The following ESPN variants were observed in gnomAD, a reference collection of about 807,000 sequenced individuals.
The protein encoded by ESPN is autosomal recessive deafness type 36 protein.
A neutral mutation model predicts 77.7 loss-of-function variants in ESPN; 68 were observed. That is an observed-to-expected ratio of 0.87 (90% CI 0.72 to 1.07). The LOEUF (loss-of-function observed/expected upper bound fraction) is 1.07. Among genes scored for constraint, ESPN ranks in the 50% least tolerant of loss-of-function variants. The probability of loss-of-function intolerance (pLI) is 0.00; values close to 1 mark genes in which losing one functional copy is unlikely to be tolerated. For missense variants in ESPN, 1,060 were observed against 1,239.0 expected, an observed-to-expected ratio of 0.86 and a Z score of 2.17; for synonymous variants, 449 against 567.1, an observed-to-expected ratio of 0.79 and a Z score of 2.96.
intron 2 of ESPN, among the ~76,000 whole-genome samples, chr1:6,439,863 G>T (rs772318657): frequency 6.6e-6 from 1 of 152,180 alleles, no homozygotes; most frequent in Non-Finnish European, 1.5e-5. Context: ...CAAAAAATTA[G>T]CGGGGCGTGG....
At chr1:6,435,669 C>G (rs1643410119) in intron 2 of ESPN, among the ~76,000 whole-genome samples, 1 of 152,144 alleles carries the variant, frequency 6.6e-6, no homozygotes, top group African/African-American at 2.4e-5. Context: ...GAGGTCTCCC[C>G]AAAGACCCAT....
At position 6,427,857 on chromosome 1, in the gene ESPN, C is replaced by T. The variant is rs1165401909; in HGVS notation, c.295-369C>T. On this transcript the variant is annotated intron_variant, in intron 1 of 12. Coordinates refer to ENST00000645284, the MANE Select transcript of ESPN (RefSeq NM_031475.3). This position sits in a 1 kb window ranked among gnomAD's most constrained non-coding sequence, Gnocchi z 4.6. ...AGTAACCCTGTGTCACTCCTTCAGGCATTCCCTGAGTCCCTGGGAGTCAGG... is the reference window on the plus strand; with the variant it reads ...AGTAACCCTGTGTCACTCCTTCAGGTATTCCCTGAGTCCCTGGGAGTCAGG... Among the ~76,000 whole-genome samples, 1 of 152,216 alleles carries T rather than the reference C, an allele frequency of 6.6e-6. No homozygotes were observed. The highest frequency in any genetic ancestry group is 1.9e-4 in the East Asian group (1 of 5,190).
At chr1:6,443,635 C>T (rs1569670787) in intron 5 of ESPN, among the ~76,000 whole-genome samples, 1 of 152,248 alleles carries the variant, frequency 6.6e-6, no homozygotes. Context: ...CCACAGAAGA[C>T]GCTGGCCCAG....
intron 2 of ESPN, among the ~76,000 whole-genome samples, chr1:6,429,487 G>C (rs61780705): frequency 0.16 from 23,835 of 152,078 alleles, 2,408 homozygotes; most frequent in African/African-American, 0.28. Context: ...AGGTTGGGGC[G>C]TGGGAGCCAC....
chr1:6,442,072 G>A lies in ESPN; in HGVS notation c.990+1007G>A, dbSNP rs72861512. On this transcript the variant is annotated intron_variant, in intron 5 of 12. Coordinates refer to ENST00000645284, the MANE Select transcript of ESPN (RefSeq NM_031475.3). ...TGGGAAGGGCATTTCTGCATCAATG[G>A]TGGGTCCCCTTCAGTTAAGAGTGTC... 5.9e-3 allele frequency among the ~76,000 whole-genome samples: 901 copies of A among 152,320 alleles called. 8 individuals are homozygous for A. Among genetic ancestry groups the A allele is most frequent in the Middle Eastern group, 0.02 (6 of 294 alleles).
In ESPN at chr1:6,447,720, G is replaced by A. The variant is rs557181401; in HGVS notation, c.1465-921G>A. On this transcript the variant is annotated intron_variant, in intron 7 of 12. Transcript: ENST00000645284. This position sits in a 1 kb window ranked among gnomAD's most constrained non-coding sequence, Gnocchi z 5.2. ...GGATGGCGATGGTTTCCAGATGCAG[G>A]AGGGGAAGGGTGGGGACGCGACCCG... is the stretch of plus-strand genomic sequence containing the variant. Among the ~76,000 whole-genome samples, 15 of 152,330 alleles carry A rather than the reference G, an allele frequency of 9.8e-5. No individual in the cohort carries two copies. The highest frequency in any genetic ancestry group is 2.6e-4 in the Admixed American group (4 of 15,308).
rs146883001 is a variant in ESPN at position 6,446,324 on chromosome 1, G to A, written c.1464+389G>A. Among the ~76,000 whole-genome samples, 1,108 of 152,316 alleles carry A rather than the reference G, an allele frequency of 7.3e-3. 12 individuals are homozygous for A. The highest frequency in any genetic ancestry group is 0.025 in the African/African-American group (1,053 of 41,562). On this transcript the variant is annotated intron_variant, in intron 7 of 12. Transcript: ENST00000645284. The stretch of plus-strand genomic sequence containing the variant: ...CCACAGCCCCAGGCTCAGTCGGAGA[G>A]TGTCACCCAAGGGAGGTGGCTGCCA...
chr1:6,425,719 G>C (rs1643011986), intron 1 of ESPN, among the ~76,000 whole-genome samples: 1 of 152,216 alleles, frequency 6.6e-6, no homozygotes, highest in South Asian at 2.1e-4. Context: ...ATGAGCCGTG[G>C]TAAATGGGGG....
At chr1:6,459,339 C>G (rs1032616973) in intron 12 of ESPN, among the ~76,000 whole-genome samples, 4 of 151,524 alleles carry the variant, frequency 2.6e-5, no homozygotes, top group African/African-American at 9.7e-5. Flanking sequence ...CCCAGGAGGT[C>G]GAGGCTGCAG....
Position 6,452,091 on chromosome 1 carries a change from C to T in ESPN, c.2320C>T (p.Arg774Trp), listed in dbSNP as rs528640998. The T allele has an allele frequency of 1.3e-5, 20 of 1,543,468 alleles. No homozygotes were observed. The highest frequency in any genetic ancestry group is 3.9e-5 in the Admixed American group (2 of 51,508). ...LKMQEEEEQR[R>W]KEEEEEARLA... ...GATGCAGGAGGAGGAGGAGCAGAGGCGGAAGGTGGGTGGGGCGGGGTGCCC... is the reference window on the plus strand; with the variant it reads ...GATGCAGGAGGAGGAGGAGCAGAGGTGGAAGGTGGGTGGGGCGGGGTGCCC... The change falls in exon 10 of 13, where the codon CGG (arginine) becomes TGG (tryptophan). Residue 774 changes from arginine to tryptophan, a missense_variant. By Grantham distance (101) the Arg-to-Trp change is moderately radical. Around this residue, in one of 3 missense-constraint regions of ESPN, gnomAD observed 374 missense variants for 381.4 expected, o/e 0.98. Transcript: ENST00000645284.
At chr1:6,432,409 TGAG>T (rs1643284032) in intron 2 of ESPN, among the ~76,000 whole-genome samples, 1 of 152,194 alleles carries the variant, frequency 6.6e-6, no homozygotes, top group African/African-American at 2.4e-5. Context: ...GTGTCCGCAC[TGAG>T]GAGGTGGCTG....
chr1:6,459,889 C>A (rs1486562658), intron 12 of ESPN, 110 bp from the exon 13 acceptor site: 6 of 1,387,186 alleles, frequency 4.3e-6, no homozygotes, highest in East Asian at 2.4e-5. Flanking sequence ...GTAACCCACC[C>A]CTTGCATGGG....
At chr1:6,455,157 G>T in intron 10 of ESPN, 1 of 388,634 alleles carries the variant, frequency 2.6e-6, no homozygotes, top group East Asian at 3.7e-5. Context: ...GGGCACCCTG[G>T]GCCCGCCCGA....
intron 2 of ESPN, among the ~76,000 whole-genome samples, chr1:6,431,259 C>A (rs548067536): frequency 5.9e-5 from 9 of 152,206 alleles, no homozygotes; most frequent in Non-Finnish European, 8.8e-5. Context: ...TCAGCAGGTG[C>A]CTCCTTCCCC....
chr1:6,446,557 AG>A (rs1404716588), intron 7 of ESPN, among the ~76,000 whole-genome samples: 1 of 152,128 alleles, frequency 6.6e-6, no homozygotes, highest in Non-Finnish European at 1.5e-5. Flanking sequence ...CAGGGTGGGC[AG>A]GTGGAGTGTG....
Position 6,444,567 on chromosome 1 carries a change from C to A in ESPN, c.1077C>A (p.Thr359=), listed in dbSNP as rs772741997. Reference sequence around the variant, plus strand: ...ATTCAGGCATGTCCTCACCCAATACCACGGTGTCGGTCCAGCCGCTGAACT... The same window carrying A: ...ATTCAGGCATGTCCTCACCCAATACAACGGTGTCGGTCCAGCCGCTGAACT... ...QPDSGMSSPN[T]TVSVQPLNFD... The change falls in exon 6 of 13, where the codon ACC becomes ACA. Residue 359 remains threonine (T), a synonymous_variant. Coordinates refer to ENST00000645284, the MANE Select transcript of ESPN (RefSeq NM_031475.3). 1.9e-6 allele frequency: 3 copies of A among 1,614,230 alleles called. No homozygotes were observed. Among genetic ancestry groups the A allele is most frequent in the Non-Finnish European group, 1.7e-6 (2 of 1,180,030 alleles).
chr1:6,454,011 G>C (rs181243250), intron 10 of ESPN, among the ~76,000 whole-genome samples: 144 of 152,342 alleles, frequency 9.5e-4, no homozygotes, highest in African/African-American at 3.1e-3. Context: ...GGGAGCTGGA[G>C]AAGGGGTCAT....
At chr1:6,435,472 C>G (rs1189499072) in intron 2 of ESPN, among the ~76,000 whole-genome samples, 2 of 152,254 alleles carry the variant, frequency 1.3e-5, no homozygotes, top group Admixed American at 1.3e-4. Context: ...TACAGTTCAT[C>G]CATAGCATCT....
chr1:6,440,596 C>CCCCCCCCCCAG, intron 3 of ESPN, 30 bp from the exon 4 acceptor site: 5 of 1,127,586 alleles, frequency 4.4e-6, no homozygotes, highest in South Asian at 1.4e-5. Flanking sequence ...GCCCAGCCCC[C>CCCCCCCCCCAG]GCCCCCCTCT....
Sources: allele counts gnomAD v4.1 joint callset (sites outside exome capture counted in the v4.1 genomes callset), GRCh38; gene constraint gnomAD v4.1.1; regional missense constraint gnomAD v4.1.1; non-coding constraint Gnocchi (gnomAD v3.1); transcripts MANE v1.5; gene names NCBI Gene and HGNC (gene_info 2026-07-23, HGNC 2026-07-21).